The following NHSL3 variants were observed in gnomAD, a reference collection of about 807,000 sequenced individuals.
NHSL3 encodes NHS-like protein 3.
At chr1:32,767,021 T>C in the NHSL3 span, among the ~76,000 whole-genome samples, 1 of 152,236 alleles carries the variant, frequency 6.6e-6, no homozygotes, top group East Asian at 1.9e-4. Flanking sequence ...CCCCTGCCCA[T>C]CCTTCCACTA....
the NHSL3 span, chr1:32,765,857 G>A: frequency 4.5e-3 from 6,935 of 1,533,200 alleles, 25 homozygotes; most frequent in Middle Eastern, 0.012. Flanking sequence ...GGGGAGGGGA[G>A]GGATGCTCGA....
At chr1:32,765,779 T>G in the NHSL3 span, 262,285 of 1,547,026 alleles carry the variant, frequency 0.17, 23,731 homozygotes, top group South Asian at 0.24. Flanking sequence ...CATGGTGGTG[T>G]TCGTTGGCCG....
chr1:32,758,259 C>T, the NHSL3 span, among the ~76,000 whole-genome samples: 6 of 152,126 alleles, frequency 3.9e-5, no homozygotes, highest in African/African-American at 1.2e-4. Context: ...CAGGAAGACC[C>T]GCCCTCTTCC....
the NHSL3 span, among the ~76,000 whole-genome samples, chr1:32,747,504 T>C: frequency 2.6e-5 from 4 of 152,052 alleles, no homozygotes; most frequent in African/African-American, 9.7e-5. Flanking sequence ...CCTCTGAGAC[T>C]CTTGCTAGTT....
the NHSL3 span, among the ~76,000 whole-genome samples, chr1:32,752,531 G>C: frequency 6.6e-6 from 1 of 152,170 alleles, no homozygotes; most frequent in Non-Finnish European, 1.5e-5. Flanking sequence ...TCAGCACAAG[G>C]ACACCTGTGA....
chr1:32,769,647 G>T, the NHSL3 span: 1 of 1,575,164 alleles, frequency 6.3e-7, no homozygotes, highest in East Asian at 2.2e-5. Flanking sequence ...TGCTCTAACA[G>T]TTTTTCTCCC....
At chr1:32,772,376 T>A in the NHSL3 span, 1 of 1,578,188 alleles carries the variant, frequency 6.3e-7, no homozygotes, top group Non-Finnish European at 8.6e-7. Context: ...AAGAGGGAGC[T>A]GGCGGAGAAT....
the NHSL3 span, among the ~76,000 whole-genome samples, chr1:32,756,580 G>C: frequency 6.0e-4 from 86 of 143,612 alleles, no homozygotes; most frequent in Non-Finnish European, 1.1e-3. Flanking sequence ...GATTACGTGA[G>C]CCTGGGAGGT....
the NHSL3 span, chr1:32,772,138 G>C: frequency 1.9e-6 from 3 of 1,613,098 alleles, no homozygotes; most frequent in Non-Finnish European, 2.5e-6. Context: ...GGAGCGGCCC[G>C]TGTCCCCTGA....
the NHSL3 span, chr1:32,742,193 A>C: frequency 2.4e-6 from 3 of 1,246,814 alleles, no homozygotes; most frequent in Non-Finnish European, 3.0e-6. Context: ...GGCCGAGGTA[A>C]GGCGGTCGGC....
chr1:32,742,403 G>T, the NHSL3 span, among the ~76,000 whole-genome samples: 2 of 152,236 alleles, frequency 1.3e-5, no homozygotes, highest in African/African-American at 2.4e-5. Context: ...TGAGGGGAGG[G>T]GACCCCCGGC....
chr1:32,770,584 A>G, the NHSL3 span: 2 of 1,521,238 alleles, frequency 1.3e-6, no homozygotes, highest in Non-Finnish European at 1.8e-6. This position sits in a 1 kb window ranked among gnomAD's most constrained non-coding sequence, Gnocchi z 8.3. Context: ...TGGGGGCAGC[A>G]CTGCTGAGGC....
the NHSL3 span, among the ~76,000 whole-genome samples, chr1:32,764,112 C>T: frequency 1.3e-4 from 20 of 151,354 alleles, no homozygotes; most frequent in African/African-American, 4.1e-4. Context: ...CTTCCTGCCT[C>T]GGCCTCCCAT....
At chr1:32,768,738 C>G in the NHSL3 span, 1 of 1,614,070 alleles carries the variant, frequency 6.2e-7, no homozygotes, top group South Asian at 1.1e-5. Context: ...CAGCAGAGGA[C>G]GCGCTCTCCA....
chr1:32,762,542 A>G, the NHSL3 span, among the ~76,000 whole-genome samples: 1 of 151,536 alleles, frequency 6.6e-6, no homozygotes, highest in East Asian at 1.9e-4. Context: ...AGCTCACTGT[A>G]ACCTCGAACT....
the NHSL3 span, among the ~76,000 whole-genome samples, chr1:32,761,069 G>C: frequency 6.9e-3 from 1,055 of 152,280 alleles, 12 homozygotes; most frequent in African/African-American, 0.025. Context: ...CTCAGATCCA[G>C]GAAGCCTCCT....
the NHSL3 span, chr1:32,771,054 C>T: frequency 3.1e-6 from 5 of 1,613,518 alleles, no homozygotes; most frequent in African/African-American, 2.7e-5. Flanking sequence ...CTGGGGCCTC[C>T]GTCTCCTCTT....
At chr1:32,770,783 G>T in the NHSL3 span, 3 of 1,583,528 alleles carry the variant, frequency 1.9e-6, no homozygotes, top group Non-Finnish European at 2.6e-6. This position sits in a 1 kb window ranked among gnomAD's most constrained non-coding sequence, Gnocchi z 8.3. Context: ...CAGCTGCCTC[G>T]GCCACCCACC....
chr1:32,747,628 A>T, the NHSL3 span, among the ~76,000 whole-genome samples: 1 of 152,170 alleles, frequency 6.6e-6, no homozygotes, highest in Non-Finnish European at 1.5e-5. Flanking sequence ...CCAGCCAGCC[A>T]GATAAGACAC....
Sources: gnomAD v4.1 joint callset for allele counts (sites outside exome capture counted in the v4.1 genomes callset) on GRCh38, gnomAD v4.1.1 for gene constraint, Gnocchi (gnomAD v3.1) non-coding constraint, MANE v1.5 for transcripts, NCBI Gene and HGNC (gene_info 2026-07-23, HGNC 2026-07-21) for gene names.